FUBP1: variants seen among roughly 807,000 people sequenced by gnomAD.
FUBP1 encodes far upstream element binding protein 1, also known as far upstream element-binding protein 1.
Under a neutral mutation model 94.9 loss-of-function variants are expected in FUBP1, and 16 were observed. The observed-to-expected ratio is 0.17, with a 90% CI of 0.11 to 0.26. The LOEUF is 0.26. Among genes scored for constraint, FUBP1 ranks in the 10% least tolerant of loss-of-function variants. The probability of loss-of-function intolerance (pLI) is 1.00; values close to 1 mark genes in which losing one functional copy is unlikely to be tolerated. For synonymous variants in FUBP1, 279 were observed against 254.9 expected (o/e 1.09, Z -0.90); for missense variants, 583 against 808.6 (o/e 0.72, Z 3.38).
intron 18 of FUBP1, among the ~76,000 whole-genome samples, chr1:77,953,152 A>T (rs749133464): frequency 3.5e-4 from 53 of 151,904 alleles, no homozygotes; most frequent in Non-Finnish European, 6.9e-4. Flanking sequence ...ACAACGAGAT[A>T]TGCATGTGAA....
At chr1:77,972,818 C>T (rs1416641256) in intron 1 of FUBP1, among the ~76,000 whole-genome samples, 1 of 151,376 alleles carries the variant, frequency 6.6e-6, no homozygotes, top group Non-Finnish European at 1.5e-5. Context: ...GTTGACAGTT[C>T]ACACTAAAGA....
chr1:77,978,319 G>C (rs145461242), intron 1 of FUBP1, among the ~76,000 whole-genome samples: 1 of 152,198 alleles, frequency 6.6e-6, no homozygotes, highest in African/African-American at 2.4e-5. Flanking sequence ...GAGAAATAAG[G>C]GGGGCGGACT....
chr1:77,973,916 TA>T (rs1658087163), intron 1 of FUBP1, among the ~76,000 whole-genome samples: 1 of 152,158 alleles, frequency 6.6e-6, no homozygotes. Flanking sequence ...TGTTCTATTT[TA>T]TTTTTTTAAT....
chr1:77,956,766 C>CACACA, intron 16 of FUBP1, 66 bp from the exon 17 acceptor site: 13 of 1,210,924 alleles, frequency 1.1e-5, no homozygotes, highest in Non-Finnish European at 1.2e-5. Flanking sequence ...CACACACACA[C>CACACA]CACCCCCCCG....
At chr1:77,977,006 C>G (rs1658727142) in intron 1 of FUBP1, among the ~76,000 whole-genome samples, 1 of 152,184 alleles carries the variant, frequency 6.6e-6, no homozygotes, top group Non-Finnish European at 1.5e-5. Context: ...TAATGTCTTG[C>G]TCATATATCA....
Position 77,964,131 on chromosome 1 carries a change from T to C in FUBP1, c.972A>G (p.Gln324=), listed in dbSNP as rs1448602346. ...GACATCGGTCTGGAGGTCCTGTTAT[T>C]TGTGCTATCCTTTCGGGTGTTGTCC... ...DDGTTPERIA[Q]ITGPPDRCQH... The change falls in exon 12 of 20, where the codon CAA becomes CAG. Residue 324 remains glutamine, a synonymous_variant. Coordinates refer to ENST00000370768, the MANE Select transcript of FUBP1 (RefSeq NM_003902.5). The C allele has an allele frequency of 3.7e-6, 6 of 1,609,356 alleles. No homozygotes were observed. The highest frequency in any genetic ancestry group is 1.7e-5 in the Admixed American group (1 of 60,004).
intron 1 of FUBP1, 123 bp from the exon 2 acceptor site, chr1:77,970,138 T>C (rs1657244632): frequency 2.2e-6 from 1 of 459,464 alleles, no homozygotes; most frequent in Non-Finnish European, 3.9e-6. Flanking sequence ...GAAAATTTAC[T>C]TGAAAAATTA....
chr1:77,951,689 A>G (rs1230534611), intron 18 of FUBP1, among the ~76,000 whole-genome samples: 1 of 152,200 alleles, frequency 6.6e-6, no homozygotes, highest in Non-Finnish European at 1.5e-5. Context: ...TATTTATTAT[A>G]GTTTTATAAT....
chr1:77,974,600 A>G (rs1377499275), intron 1 of FUBP1, among the ~76,000 whole-genome samples: 1 of 152,196 alleles, frequency 6.6e-6, no homozygotes, highest in Non-Finnish European at 1.5e-5. Context: ...TCATAGTTAA[A>G]GTGTTAAGAT....
In FUBP1 at chr1:77,955,303, C is replaced by T. The variant is rs2102298380; in HGVS notation, c.1732G>A (p.Gly578Arg). ...QGDQQNPAPA[G>R]QVDYTKAWEE... ...CAAGCCTTGGTATAATCAACCTGTC[C>T]AGCTGGGGCTGGATTCTGCTGATCT... The change falls in exon 18 of 20, where the codon GGA becomes AGA. Residue 578 changes from glycine (G) to arginine (R), a missense_variant. Coordinates refer to ENST00000370768, the MANE Select transcript of FUBP1 (RefSeq NM_003902.5). The T allele has an allele frequency of 1.9e-6, 3 of 1,576,580 alleles. No individual in the cohort carries two copies. Among genetic ancestry groups the T allele is most frequent in the Non-Finnish European group, 2.6e-6 (3 of 1,146,064 alleles).
chr1:77,962,815 T>C lies in FUBP1; in HGVS notation c.1299A>G (p.Pro433=). ...GTTGCCGAGCATAGTCTATCTGTTGTGGAGTGCCACGAATTGTAAATAACT... is the reference window on the plus strand; with the variant it reads ...GTTGCCGAGCATAGTCTATCTGTTGCGGAGTGCCACGAATTGTAAATAACT... The part of the protein sequence containing the change: ...NMKLFTIRGT[P]QQIDYARQLI... The change falls in exon 14 of 20, where the codon CCA becomes CCG. Residue 433 remains proline (P), a synonymous_variant. Transcript: ENST00000370768. The C allele has an allele frequency of 6.2e-7, 1 of 1,612,794 alleles. No homozygotes were observed. Among genetic ancestry groups the C allele is most frequent in the Non-Finnish European group, 8.5e-7 (1 of 1,178,858 alleles).
chr1:77,966,337 G>C (rs1385396665), intron 7 of FUBP1, among the ~76,000 whole-genome samples: 1 of 152,178 alleles, frequency 6.6e-6, no homozygotes, highest in African/African-American at 2.4e-5. Flanking sequence ...GAGTGGAAAA[G>C]TGAATGGAAC....
At chr1:77,964,806 A>T (rs1335305299) in intron 9 of FUBP1, 59 bp from the exon 10 acceptor site, 20 of 1,487,016 alleles carry the variant, frequency 1.3e-5, no homozygotes, top group Non-Finnish European at 1.8e-5. Flanking sequence ...TTAATTATTC[A>T]TGCATATTTT....
rs772497634 is a variant in FUBP1, at chr1:77,978,936, ACCACCGCCG to A, written c.60_68del (p.Gly24_Gly26del). On this transcript the variant is annotated inframe_deletion, in exon 1 of 20. Transcript: ENST00000370768. ...TGAAAGCGTCGTTAACTCCTCCACC[ACCACCGCCG>A]CCACCACCGCCACCAGCTGAGCCAG... 92 of 1,612,764 alleles carry A rather than the reference ACCACCGCCG, an allele frequency of 5.7e-5. No individual in the cohort carries two copies. The highest frequency in any genetic ancestry group is 7.5e-5 in the Non-Finnish European group (89 of 1,179,438).
chr1:77,966,525 C>A (rs1290497290), intron 7 of FUBP1, among the ~76,000 whole-genome samples, 169 bp downstream of exon 7: 2 of 151,986 alleles, frequency 1.3e-5, no homozygotes, highest in Non-Finnish European at 2.9e-5. Context: ...GATGATGAAC[C>A]CCACCTGAGA....
chr1:77,971,780 G>A (rs1244945105), intron 1 of FUBP1, among the ~76,000 whole-genome samples: 4 of 151,702 alleles, frequency 2.6e-5, no homozygotes, highest in Non-Finnish European at 5.9e-5. Flanking sequence ...AGGCCAAGGC[G>A]GGCAGATCAC....
chr1:77,960,835 A>G (rs892413564), intron 14 of FUBP1: 2 of 224,568 alleles, frequency 8.9e-6, no homozygotes, highest in African/African-American at 2.4e-5. Flanking sequence ...TCTTACTCAC[A>G]GAAATCAGGT....
Position 77,978,806 on chromosome 1 carries a change from C to A in FUBP1, c.120+79G>T, listed in dbSNP as rs1455620800. 8.4e-6 allele frequency: 13 copies of A among 1,547,748 alleles called. No homozygotes were observed. In the Admixed American group the frequency reaches 2.2e-4, roughly 26 times the overall value. ...GAACACCTCTTTCCTCTTCCTCATG[C>A]GCTTAAGGGTAGCGGCCTACTCAGT... is the stretch of plus-strand genomic sequence containing the variant. On this transcript the variant is annotated intron_variant, in intron 1 of 19. Coordinates refer to ENST00000370768, the MANE Select transcript of FUBP1 (RefSeq NM_003902.5).
At position 77,963,708 on chromosome 1, in the gene FUBP1, T is replaced by A. The variant is rs539375221; in HGVS notation, c.1049A>T (p.Asn350Ile). Residue 350 changes from asparagine to isoleucine, a missense_variant, in exon 13 of 20, where the codon AAT becomes ATT. Transcript: ENST00000370768. ...TDLLRSVQAG[N>I]PGGPGPGGRG... Reference sequence around the variant, plus strand: ...ACCACCAGGTCCAGGTCCACCAGGATTACCAGCCTATAGAGAGGGAAAGAC... The same window carrying A: ...ACCACCAGGTCCAGGTCCACCAGGAATACCAGCCTATAGAGAGGGAAAGAC... 1 of 1,611,194 alleles carries A rather than the reference T, an allele frequency of 6.2e-7. No homozygotes were observed. Among genetic ancestry groups the A allele is most frequent in the African/African-American group, 1.3e-5 (1 of 74,912 alleles).
Sources: allele counts gnomAD v4.1 joint callset (sites outside exome capture counted in the v4.1 genomes callset), GRCh38; gene constraint gnomAD v4.1.1; transcripts MANE v1.5; gene names NCBI Gene and HGNC (gene_info 2026-07-23, HGNC 2026-07-21).